DPP10: variants seen among roughly 807,000 people sequenced by gnomAD.
The protein encoded by DPP10 is dipeptidyl peptidase like 10, also known as inactive dipeptidyl peptidase 10.
Under a neutral mutation model 120.9 loss-of-function variants are expected in DPP10, and 33 were observed. The ratio of observed to expected loss-of-function variants is 0.27; its 90% CI spans 0.21 to 0.37. The LOEUF (loss-of-function observed/expected upper bound fraction) is 0.37. Ranked by LOEUF, DPP10 falls within the 10% of genes least tolerant of loss-of-function variation. The probability of loss-of-function intolerance (pLI) is 1.00; values close to 1 mark genes in which losing one functional copy is unlikely to be tolerated. For synonymous variants in DPP10, 337 were observed against 326.1 expected, an observed-to-expected ratio of 1.03 and a Z score of -0.36; for missense variants, 816 against 942.8, an observed-to-expected ratio of 0.87 and a Z score of 1.76.
At chr2:114,683,905 A>G (rs945318687) in intron 1 of DPP10, among the ~76,000 whole-genome samples, 2 of 151,916 alleles carry the variant, frequency 1.3e-5, no homozygotes, top group African/African-American at 4.8e-5. Context: ...AAATTGTCCA[A>G]ACTCGCTGTT....
intron 1 of DPP10, among the ~76,000 whole-genome samples, chr2:114,762,761 C>T (rs1474633144): frequency 1.3e-5 from 2 of 152,084 alleles, no homozygotes; most frequent in Non-Finnish European, 2.9e-5. Flanking sequence ...TAAAATGGTC[C>T]CAGGCACAAG....
At chr2:115,666,422 A>G (rs779904798) in intron 5 of DPP10, among the ~76,000 whole-genome samples, 2 of 152,280 alleles carry the variant, frequency 1.3e-5, no homozygotes, top group Non-Finnish European at 2.9e-5. Context: ...TCACGAGAAC[A>G]TCATGGAAGA....
At chr2:115,785,244 G>A (rs961359321) in intron 17 of DPP10, among the ~76,000 whole-genome samples, 1 of 152,190 alleles carries the variant, frequency 6.6e-6, no homozygotes, top group African/African-American at 2.4e-5. Flanking sequence ...TTTGGCTGAA[G>A]GGAATCTTCA....
At chr2:115,183,844 A>T (rs540011390) in intron 1 of DPP10, among the ~76,000 whole-genome samples, 46 of 152,264 alleles carry the variant, frequency 3.0e-4, no homozygotes, top group Non-Finnish European at 5.7e-4. Flanking sequence ...TTTAAAAATT[A>T]GGAAGAGCAA....
At chr2:115,814,772 C>A (rs1229486829) in intron 19 of DPP10, 21 bp from the exon 20 acceptor site, 2 of 1,493,622 alleles carry the variant, frequency 1.3e-6, no homozygotes, top group East Asian at 2.3e-5. Flanking sequence ...TTGTTTTGGT[C>A]CAATATGTTG....
intron 3 of DPP10, among the ~76,000 whole-genome samples, chr2:115,470,350 A>G (rs1166307319): frequency 6.6e-6 from 1 of 152,180 alleles, no homozygotes; most frequent in Non-Finnish European, 1.5e-5. Context: ...GGTGAACCTC[A>G]TTTATCATCC....
At chr2:114,827,462 C>G (rs1686660573) in intron 1 of DPP10, among the ~76,000 whole-genome samples, 1 of 152,146 alleles carries the variant, frequency 6.6e-6, no homozygotes, top group East Asian at 1.9e-4. Flanking sequence ...AAGACCACAA[C>G]TGCAGCTTAG....
chr2:115,194,167 C>G (rs112930940), intron 1 of DPP10, among the ~76,000 whole-genome samples: 1 of 151,714 alleles, frequency 6.6e-6, no homozygotes, highest in Non-Finnish European at 1.5e-5. Context: ...TTAGCAAAGC[C>G]GTTGCTGCTA....
intron 3 of DPP10, among the ~76,000 whole-genome samples, chr2:115,490,123 T>G (rs1171166113): frequency 6.6e-6 from 1 of 152,144 alleles, no homozygotes; most frequent in Non-Finnish European, 1.5e-5. Context: ...TTCCTTGTAT[T>G]TATTTATAGT....
chr2:115,807,767 A>G (rs992695608), intron 19 of DPP10, among the ~76,000 whole-genome samples: 1 of 148,410 alleles, frequency 6.7e-6, no homozygotes, highest in Admixed American at 7.0e-5. Context: ...TTATTAATGC[A>G]AAATACCCAA....
chr2:114,479,952 T>C (rs1487896973), intron 1 of DPP10, among the ~76,000 whole-genome samples: 1 of 152,040 alleles, frequency 6.6e-6, no homozygotes, highest in African/African-American at 2.4e-5. Flanking sequence ...AGAAAATTTT[T>C]GCAACCTACT....
rs553455113 is a variant in DPP10 at position 115,530,544 on chromosome 2, T to G, written c.441+4572T>G. Among the ~76,000 whole-genome samples the G allele has an allele frequency of 3.3e-5, 5 of 152,042 alleles. No individual in the cohort carries two copies. In the East Asian group the frequency reaches 7.7e-4, roughly 24 times the overall value. On this transcript the variant is annotated intron_variant, in intron 5 of 25. Transcript: ENST00000410059. ...AAAATACAAAAAATTTAGTTGGGTG[T>G]GGTGGCACACACCTGCAGTCCCAGC...
Position 114,868,371 on chromosome 2 carries a change from G to A in DPP10, c.60+425533G>A, listed in dbSNP as rs138105998. ...GACCATTATATTTTAAGTGGTTTTT[G>A]TTAAAAGGACTATTGTATCTTAAAG... On this transcript the variant is annotated intron_variant, in intron 1 of 25. Transcript: ENST00000410059. 2.4e-3 allele frequency among the ~76,000 whole-genome samples: 359 copies of A among 152,242 alleles called. 2 individuals are homozygous for A. The highest frequency in any genetic ancestry group is 8.2e-3 in the African/African-American group (340 of 41,540).
At chr2:115,420,586 T>C (rs1233091330) in intron 3 of DPP10, among the ~76,000 whole-genome samples, 1 of 152,306 alleles carries the variant, frequency 6.6e-6, no homozygotes, top group African/African-American at 2.4e-5. Flanking sequence ...CCTAAAAATA[T>C]AATATGGTTA....
chr2:114,480,852 T>TATA (rs772376991), intron 1 of DPP10, among the ~76,000 whole-genome samples: 81 of 150,138 alleles, frequency 5.4e-4, no homozygotes, highest in Non-Finnish European at 7.2e-4. Flanking sequence ...GAACTTAAAG[T>TATA]ATAATAATAA....
At chr2:115,293,613 G>A (rs543572113) in intron 1 of DPP10, among the ~76,000 whole-genome samples, 1 of 152,118 alleles carries the variant, frequency 6.6e-6, no homozygotes, top group African/African-American at 2.4e-5. Context: ...AAGAAATTAT[G>A]TTAACTGTTC....
chr2:115,162,275 A>G, intron 1 of DPP10: 1 of 1,551,064 alleles, frequency 6.4e-7, no homozygotes. Flanking sequence ...GCAGAGAGGT[A>G]AAGGCTGAAG....
At chr2:115,183,025 A>T (rs1454935840) in intron 1 of DPP10, among the ~76,000 whole-genome samples, 1 of 152,060 alleles carries the variant, frequency 6.6e-6, no homozygotes, top group Admixed American at 6.5e-5. Flanking sequence ...ACACACACAC[A>T]CACACGTACG....
chr2:115,820,799 A>ATGTGTGCG (rs1553517952), intron 21 of DPP10, among the ~76,000 whole-genome samples: 3 of 105,554 alleles, frequency 2.8e-5, no homozygotes, highest in Non-Finnish European at 5.8e-5. Context: ...TCCATGGTGT[A>ATGTGTGCG]TGTGTGTGTG....
Sources: allele counts gnomAD v4.1 joint callset (sites outside exome capture counted in the v4.1 genomes callset), GRCh38; gene constraint gnomAD v4.1.1; transcripts MANE v1.5; gene names NCBI Gene and HGNC (gene_info 2026-07-23, HGNC 2026-07-21).